The following GRM1 variants were observed in gnomAD, a reference collection of about 807,000 sequenced individuals.
The protein encoded by GRM1 is glutamate metabotropic receptor 1.
In GRM1, 33 loss-of-function variants were observed where a neutral mutation model predicts 90.9. The ratio of observed to expected loss-of-function variants is 0.36; its 90% CI spans 0.28 to 0.49. The LOEUF (loss-of-function observed/expected upper bound fraction) is 0.49. Ranked by LOEUF, GRM1 falls within the 20% of genes least tolerant of loss-of-function variation. GRM1 has a pLI of 0.99. For synonymous variants in GRM1, 700 were observed against 613.2 expected (o/e 1.14, Z -2.09); for missense variants, 1,190 against 1,534.3 (o/e 0.78, Z 3.75).
chr6:146,198,125 C>T (rs1372111916), intron 2 of GRM1, among the ~76,000 whole-genome samples: 2 of 152,186 alleles, frequency 1.3e-5, no homozygotes, highest in African/African-American at 4.8e-5. Context: ...TCAAATTGTA[C>T]ACATTAAATA....
intron 1 of GRM1, among the ~76,000 whole-genome samples, chr6:146,093,911 A>G (rs1426042300): frequency 6.6e-6 from 1 of 152,086 alleles, no homozygotes; most frequent in Non-Finnish European, 1.5e-5. Flanking sequence ...TTAAAACTGT[A>G]TTAAGAAGTC....
chr6:146,368,930 C>A (rs1365608342), intron 5 of GRM1, among the ~76,000 whole-genome samples: 1 of 151,900 alleles, frequency 6.6e-6, no homozygotes, highest in Non-Finnish European at 1.5e-5. Flanking sequence ...TAATACTGGT[C>A]TTCTTTAAAA....
chr6:146,273,189 A>T lies in GRM1; in HGVS notation c.951-31422A>T, dbSNP rs6570754. On this transcript the variant is annotated intron_variant, in intron 2 of 7. Transcript: ENST00000282753. ...TTTTGGTCCTCTGGTATTTGAATTAACTAATACCTTTGGTAAATGTGTTCT... is the reference window on the plus strand; with the variant it reads ...TTTTGGTCCTCTGGTATTTGAATTATCTAATACCTTTGGTAAATGTGTTCT... 3.9e-5 allele frequency among the ~76,000 whole-genome samples: 6 copies of T among 152,006 alleles called. 1 individual carries two copies. Among genetic ancestry groups the T allele is most frequent in the East Asian group, 1.9e-4 (1 of 5,178 alleles).
chr6:146,156,384 C>T (rs1340589862), intron 1 of GRM1, among the ~76,000 whole-genome samples: 2 of 152,062 alleles, frequency 1.3e-5, no homozygotes, highest in African/African-American at 2.4e-5. Flanking sequence ...CCAGCCTGGG[C>T]GACCAAGAGT....
At chr6:146,426,500 A>G in intron 7 of GRM1, 1 of 1,517,390 alleles carries the variant, frequency 6.6e-7, no homozygotes, top group Non-Finnish European at 9.0e-7. Flanking sequence ...GACTTGCCAT[A>G]TCTGTACACA....
At chr6:146,237,786 T>C (rs1780705854) in intron 2 of GRM1, among the ~76,000 whole-genome samples, 1 of 152,148 alleles carries the variant, frequency 6.6e-6, no homozygotes, top group Admixed American at 6.6e-5. Flanking sequence ...TCTGAAGTCA[T>C]GCCATCTGAT....
intron 2 of GRM1, among the ~76,000 whole-genome samples, chr6:146,293,222 G>GTT (rs1210488796): frequency 6.6e-6 from 1 of 152,042 alleles, no homozygotes; most frequent in East Asian, 1.9e-4. Context: ...CATTTTGTAT[G>GTT]TTCTGAATGA....
At chr6:146,365,870 G>A (rs1349126329) in intron 5 of GRM1, among the ~76,000 whole-genome samples, 9 of 152,100 alleles carry the variant, frequency 5.9e-5, no homozygotes, top group African/African-American at 1.4e-4. Flanking sequence ...TCAAGGAGGC[G>A]GTCACTCTCA....
chr6:146,297,164 A>ATT (rs983358581), intron 2 of GRM1, among the ~76,000 whole-genome samples: 1 of 145,776 alleles, frequency 6.9e-6, no homozygotes, highest in Non-Finnish European at 1.5e-5. Context: ...CGTGTAAACA[A>ATT]TTTTTTTTTT....
intron 6 of GRM1, among the ~76,000 whole-genome samples, chr6:146,390,947 AC>A (rs1486560540): frequency 6.6e-6 from 1 of 152,114 alleles, no homozygotes; most frequent in African/African-American, 2.4e-5. Flanking sequence ...TGAATTACAA[AC>A]AGAATTTCAC....
At chr6:146,212,897 T>C (rs1027618917) in intron 2 of GRM1, among the ~76,000 whole-genome samples, 2 of 152,168 alleles carry the variant, frequency 1.3e-5, no homozygotes, top group Middle Eastern at 3.2e-3. Context: ...ATAATAATTA[T>C]TTCTAATTGT....
intron 2 of GRM1, among the ~76,000 whole-genome samples, chr6:146,296,178 A>T (rs1343162394): frequency 1.3e-5 from 2 of 152,216 alleles, no homozygotes; most frequent in African/African-American, 4.8e-5. Context: ...TGCAGTGAAC[A>T]TTTACTTGCA....
At chr6:146,160,673 T>C (rs9376982) in intron 2 of GRM1, among the ~76,000 whole-genome samples, 152,128 of 152,308 alleles carry the variant, frequency 1, 75,974 homozygotes, top group Middle Eastern at 1. Context: ...CCTTTCCCTT[T>C]TGTCCTTGTG....
intron 7 of GRM1, among the ~76,000 whole-genome samples, chr6:146,422,387 T>C (rs1347737562): frequency 6.6e-6 from 1 of 152,186 alleles, no homozygotes; most frequent in East Asian, 1.9e-4. Flanking sequence ...TCCTATGAAA[T>C]AAGTCTAAGC....
chr6:146,119,813 T>G lies in GRM1; in HGVS notation c.701-39535T>G, dbSNP rs1389752239. 2.6e-5 allele frequency among the ~76,000 whole-genome samples: 4 copies of G among 152,216 alleles called. No individual in the cohort carries two copies. The South Asian group carries it at 8.3e-4, about 32-fold the overall frequency. ...CCATTGGTCTATGTCTCTGTTTTGG[T>G]ACCAGTACCATGCTGTTTTGGCTAC... On this transcript the variant is annotated intron_variant, in intron 1 of 7. Coordinates refer to ENST00000282753, the MANE Select transcript of GRM1 (RefSeq NM_001278064.2).
chr6:146,033,996 C>T (rs1036497247), intron 1 of GRM1, among the ~76,000 whole-genome samples: 1 of 151,980 alleles, frequency 6.6e-6, no homozygotes, highest in Non-Finnish European at 1.5e-5. Flanking sequence ...ATACATTGCT[C>T]ATTTTATCAT....
At chr6:146,194,776 G>C (rs17075725) in intron 2 of GRM1, among the ~76,000 whole-genome samples, 1 of 152,126 alleles carries the variant, frequency 6.6e-6, no homozygotes, top group African/African-American at 2.4e-5. Context: ...TCTTTGCTTC[G>C]GTTCAACTGT....
chr6:146,318,334 C>A (rs1480346495), intron 3 of GRM1, among the ~76,000 whole-genome samples: 1 of 152,184 alleles, frequency 6.6e-6, no homozygotes, highest in Non-Finnish European at 1.5e-5. Flanking sequence ...ATGAACTCGT[C>A]ATCCTTTTTT....
At chr6:146,088,326 T>C (rs1776612492) in intron 1 of GRM1, among the ~76,000 whole-genome samples, 1 of 152,152 alleles carries the variant, frequency 6.6e-6, no homozygotes, top group Non-Finnish European at 1.5e-5. Flanking sequence ...GAGTTTGTTA[T>C]ATATTCTAAA....
Sources: allele counts gnomAD v4.1 joint callset (sites outside exome capture counted in the v4.1 genomes callset), GRCh38; gene constraint gnomAD v4.1.1; transcripts MANE v1.5; gene names NCBI Gene and HGNC (gene_info 2026-07-23, HGNC 2026-07-21).